TGFB2: variants seen among roughly 807,000 people sequenced by gnomAD.
TGFB2 encodes the protein transforming growth factor beta 2, also known as transforming growth factor beta-2 proprotein.
In TGFB2, 13 loss-of-function variants were observed where a neutral mutation model predicts 42.7. The observed-to-expected ratio is 0.30, with a 90% CI of 0.20 to 0.48. TGFB2 has a LOEUF of 0.48. Ranked by LOEUF, TGFB2 falls within the 20% of genes least tolerant of loss-of-function variation. The pLI, the probability that TGFB2 is intolerant of heterozygous loss-of-function variation, is 0.99. For missense variants in TGFB2, 390 were observed against 517.5 expected (o/e 0.75, Z 2.39); for synonymous variants, 193 against 193.6 (o/e 1.00, Z 0.03).
intron 2 of TGFB2, among the ~76,000 whole-genome samples, chr1:218,407,350 G>C (rs1042511058): frequency 9.2e-5 from 14 of 152,144 alleles, no homozygotes; most frequent in African/African-American, 3.4e-4. Context: ...AATGTGCTGG[G>C]ATTACAGGCA....
At chr1:218,436,332 G>C (rs774511713) in intron 5 of TGFB2, among the ~76,000 whole-genome samples, 185 bp downstream of exon 5, 1 of 152,204 alleles carries the variant, frequency 6.6e-6, no homozygotes, top group Non-Finnish European at 1.5e-5. Context: ...GTCTTTAGCA[G>C]TGAACCAAGT....
chr1:218,437,273 G>C, intron 5 of TGFB2, 70 bp from the exon 6 acceptor site: 1 of 1,421,784 alleles, frequency 7.0e-7, no homozygotes, highest in African/African-American at 1.5e-5. Context: ...TTTGGGGTGA[G>C]GTGGTGGTAG....
chr1:218,388,369 AC>A (rs1658206747), intron 1 of TGFB2, among the ~76,000 whole-genome samples: 1 of 152,202 alleles, frequency 6.6e-6, no homozygotes, highest in Non-Finnish European at 1.5e-5. Context: ...TCAGTAAACT[AC>A]TGGGCAATTA....
chr1:218,363,038 G>T (rs557006478), intron 1 of TGFB2, among the ~76,000 whole-genome samples: 1 of 152,148 alleles, frequency 6.6e-6, no homozygotes, highest in Non-Finnish European at 1.5e-5. Flanking sequence ...TTATTTTACC[G>T]TTTCAGTATG....
At chr1:218,401,734 G>C (rs865862900) in intron 1 of TGFB2, among the ~76,000 whole-genome samples, 1 of 152,086 alleles carries the variant, frequency 6.6e-6, no homozygotes, top group South Asian at 2.1e-4. Flanking sequence ...AGAGGAAAAA[G>C]CTCCATCCCT....
intron 1 of TGFB2, among the ~76,000 whole-genome samples, chr1:218,395,710 C>T (rs1353351836): frequency 6.6e-6 from 1 of 150,614 alleles, no homozygotes; most frequent in Non-Finnish European, 1.5e-5. Flanking sequence ...CTCCTGGGTT[C>T]ACACCATTCT....
At chr1:218,350,522 T>TG (rs1260544649) in intron 1 of TGFB2, among the ~76,000 whole-genome samples, 2 of 152,214 alleles carry the variant, frequency 1.3e-5, no homozygotes, top group Non-Finnish European at 2.9e-5. Context: ...TGGTATTTGT[T>TG]GGGGGTTACT....
intron 1 of TGFB2, among the ~76,000 whole-genome samples, chr1:218,368,459 A>G (rs970398043): frequency 2.0e-5 from 3 of 152,240 alleles, no homozygotes; most frequent in African/African-American, 4.8e-5. Context: ...TTTATTGAGT[A>G]TTTACTTGTA....
chr1:218,409,220 A>G (rs1558250472), intron 2 of TGFB2, among the ~76,000 whole-genome samples: 1 of 152,202 alleles, frequency 6.6e-6, no homozygotes, highest in Non-Finnish European at 1.5e-5. Context: ...CTGATGGGCC[A>G]TGGACCTGTA....
intron 2 of TGFB2, among the ~76,000 whole-genome samples, chr1:218,423,263 T>TG (rs1163302042): frequency 5.9e-5 from 9 of 152,200 alleles, no homozygotes; most frequent in South Asian, 2.1e-4. Flanking sequence ...TAAGGGTTTG[T>TG]GGGGATTTAA....
chr1:218,429,808 T>C (rs1000845467), intron 2 of TGFB2, among the ~76,000 whole-genome samples: 3 of 152,248 alleles, frequency 2.0e-5, no homozygotes, highest in Admixed American at 6.5e-5. Context: ...GACCATTTAA[T>C]TAACTTGCAT....
At chr1:218,423,585 A>C (rs1659525237) in intron 2 of TGFB2, among the ~76,000 whole-genome samples, 1 of 152,156 alleles carries the variant, frequency 6.6e-6, no homozygotes, top group Non-Finnish European at 1.5e-5. Context: ...TAGAAGCCAA[A>C]GTTTGGAAGT....
At chr1:218,440,611 T>C (rs535898425) in intron 6 of TGFB2, among the ~76,000 whole-genome samples, 7 of 152,218 alleles carry the variant, frequency 4.6e-5, no homozygotes, top group Non-Finnish European at 7.3e-5. Flanking sequence ...AGATTAAAGC[T>C]CTTATGAGAG....
chr1:218,388,432 GACA>G (rs10482762), intron 1 of TGFB2, among the ~76,000 whole-genome samples: 6,904 of 152,242 alleles, frequency 0.045, 536 homozygotes, highest in African/African-American at 0.16. Context: ...CTGATGCTCA[GACA>G]ACATCTCTGA....
In TGFB2 at chr1:218,443,916, A is replaced by G. The variant is rs1660238501; in HGVS notation, c.*2554A>G. The G allele has an allele frequency of 6.6e-6, 1 of 152,124 alleles. No individual in the cohort carries two copies. The highest frequency in any genetic ancestry group is 2.4e-5 in the African/African-American group (1 of 41,440). The allele number at this position is 152,124 out of a possible 1,614,324, so 9.4% of individuals were successfully genotyped here. On this transcript the variant is annotated 3_prime_UTR_variant, in exon 7 of 7. Coordinates refer to ENST00000366930, the MANE Select transcript of TGFB2 (RefSeq NM_003238.6). Reference sequence around the variant, plus strand: ...ATAAGATTAGCTGTTTTGTATTTTGATGACCAATTACGCTGTATTTTAACA... The same window carrying G: ...ATAAGATTAGCTGTTTTGTATTTTGGTGACCAATTACGCTGTATTTTAACA...
intron 2 of TGFB2, among the ~76,000 whole-genome samples, chr1:218,413,582 G>T (rs1394360673): frequency 6.6e-6 from 1 of 152,206 alleles, no homozygotes; most frequent in Admixed American, 6.5e-5. Flanking sequence ...CAAGACTTTG[G>T]CAAGTGAAAG....
intron 1 of TGFB2, among the ~76,000 whole-genome samples, chr1:218,379,846 A>T (rs1271515046): frequency 1.3e-5 from 2 of 152,070 alleles, no homozygotes; most frequent in African/African-American, 4.8e-5. Flanking sequence ...ATTGCATTTA[A>T]CTTCTTTTAC....
At chr1:218,404,053 A>AAC (rs1250183370) in intron 1 of TGFB2, among the ~76,000 whole-genome samples, 1 of 12,204 alleles carries the variant, frequency 8.2e-5, no homozygotes, top group Non-Finnish European at 2.5e-4. Flanking sequence ...GCAGATTACA[A>AAC]AAAAAAAAAA....
At chr1:218,398,465 T>C (rs147137519) in intron 1 of TGFB2, among the ~76,000 whole-genome samples, 3 of 152,392 alleles carry the variant, frequency 2.0e-5, no homozygotes, top group African/African-American at 7.2e-5. Context: ...GCCTCAAATC[T>C]ACATTCTGTT....
Sources: allele counts gnomAD v4.1 joint callset (sites outside exome capture counted in the v4.1 genomes callset), GRCh38; gene constraint gnomAD v4.1.1; transcripts MANE v1.5; gene names NCBI Gene and HGNC (gene_info 2026-07-23, HGNC 2026-07-21).